The following THRB variants were observed in gnomAD, a reference collection of about 807,000 sequenced individuals.
The protein encoded by THRB is thyroid hormone receptor beta, also known as nuclear receptor subfamily 1 group A member 2.
In THRB, 12 loss-of-function variants were observed where a neutral mutation model predicts 47.8. That is an observed-to-expected ratio of 0.25 (90% CI 0.16 to 0.41). The LOEUF (loss-of-function observed/expected upper bound fraction) is 0.41. THRB is among the 10% of genes least tolerant of loss of function. The probability of loss-of-function intolerance (pLI) is 1.00; values close to 1 mark genes in which losing one functional copy is unlikely to be tolerated. For synonymous variants in THRB, 218 were observed against 212.2 expected (o/e 1.03, Z -0.24); for missense variants, 348 against 589.2 (o/e 0.59, Z 4.24).
At chr3:24,163,182 T>G (rs1226997804) in intron 5 of THRB, among the ~76,000 whole-genome samples, 2 of 152,214 alleles carry the variant, frequency 1.3e-5, no homozygotes, top group Non-Finnish European at 2.9e-5. Flanking sequence ...AGTTAACAGC[T>G]GGGTTTAGTT....
At chr3:24,222,638 G>A (rs991492917) in intron 4 of THRB, among the ~76,000 whole-genome samples, 5 of 152,164 alleles carry the variant, frequency 3.3e-5, no homozygotes, top group Non-Finnish European at 7.3e-5. Flanking sequence ...CCTCCCTTCT[G>A]CCCTCAAGGA....
chr3:24,330,123 G>A (rs1427661765), intron 2 of THRB, among the ~76,000 whole-genome samples: 1 of 151,756 alleles, frequency 6.6e-6, no homozygotes, highest in Non-Finnish European at 1.5e-5. Flanking sequence ...GGCTAACAAG[G>A]TGAAACCCCG....
intron 1 of THRB, chr3:24,457,895 T>C (rs1219987480): frequency 6.6e-6 from 1 of 152,138 alleles, no homozygotes; most frequent in Non-Finnish European, 1.5e-5. Context: ...CTATAGGAGC[T>C]CTTCAGAGTC....
At chr3:24,463,025 C>G (rs1389969559) in intron 1 of THRB, among the ~76,000 whole-genome samples, 1 of 152,194 alleles carries the variant, frequency 6.6e-6, no homozygotes, top group Non-Finnish European at 1.5e-5. Flanking sequence ...AGAGGGGAAA[C>G]TCATTCCACA....
chr3:24,281,822 T>C (rs558756504), intron 3 of THRB, among the ~76,000 whole-genome samples: 3 of 150,070 alleles, frequency 2.0e-5, no homozygotes, highest in Non-Finnish European at 4.4e-5. Context: ...CCAACAAAGA[T>C]CAAAAGAGAC....
chr3:24,420,417 G>C (rs754947372), intron 1 of THRB, among the ~76,000 whole-genome samples: 13 of 151,878 alleles, frequency 8.6e-5, no homozygotes, highest in Non-Finnish European at 1.6e-4. Flanking sequence ...AGTCAGTGCT[G>C]AAGTTCATGG....
At chr3:24,152,824 T>C (rs2037183795) in intron 5 of THRB, among the ~76,000 whole-genome samples, 1 of 151,852 alleles carries the variant, frequency 6.6e-6, no homozygotes, top group Admixed American at 6.6e-5. Flanking sequence ...TAGCCGGGCA[T>C]GGTGACAGGC....
intron 4 of THRB, among the ~76,000 whole-genome samples, chr3:24,194,692 A>G (rs1029041129): frequency 1.3e-5 from 2 of 152,244 alleles, no homozygotes; most frequent in African/African-American, 4.8e-5. Context: ...AGAAACAAAC[A>G]TAAATCGCAT....
At chr3:24,154,845 A>G (rs1404483163) in intron 5 of THRB, among the ~76,000 whole-genome samples, 1 of 152,248 alleles carries the variant, frequency 6.6e-6, no homozygotes, top group Non-Finnish European at 1.5e-5. Context: ...AGTTCTTAGT[A>G]TCAAGTATGG....
chr3:24,469,184 A>G (rs751350212), intron 1 of THRB, among the ~76,000 whole-genome samples: 6 of 152,358 alleles, frequency 3.9e-5, no homozygotes, highest in African/African-American at 1.2e-4. Context: ...TCCCTCCATC[A>G]TAACAGGTAT....
At chr3:24,472,858 A>T (rs35944552) in intron 1 of THRB, among the ~76,000 whole-genome samples, 44,249 of 152,036 alleles carry the variant, frequency 0.29, 6,498 homozygotes, top group East Asian at 0.36. Flanking sequence ...GAGACCTTCA[A>T]GCAGCAAATT....
At chr3:24,235,168 CCTGT>C (rs1172409375) in intron 3 of THRB, among the ~76,000 whole-genome samples, 3 of 152,154 alleles carry the variant, frequency 2.0e-5, no homozygotes, top group Non-Finnish European at 4.4e-5. Context: ...CTAATACTTG[CCTGT>C]CTCAGTATTC....
chr3:24,288,418 A>G (rs936418587), intron 3 of THRB, among the ~76,000 whole-genome samples: 9 of 152,230 alleles, frequency 5.9e-5, no homozygotes, highest in African/African-American at 1.9e-4. Flanking sequence ...CTTGGACACA[A>G]AATTCTAGAA....
chr3:24,341,619 G>A (rs1179463445), intron 1 of THRB, among the ~76,000 whole-genome samples: 1 of 152,088 alleles, frequency 6.6e-6, no homozygotes, highest in Admixed American at 6.5e-5. Context: ...CTTTTATCAT[G>A]TAACTTTGTA....
intron 1 of THRB, among the ~76,000 whole-genome samples, chr3:24,434,262 T>C (rs1435622196): frequency 2.0e-5 from 3 of 152,162 alleles, no homozygotes; most frequent in Non-Finnish European, 1.5e-5. Context: ...TAAGGGTCCA[T>C]ATAGATTTGC....
At chr3:24,148,890 G>A (rs2036503201) in intron 6 of THRB, among the ~76,000 whole-genome samples, 1 of 152,172 alleles carries the variant, frequency 6.6e-6, no homozygotes, top group Non-Finnish European at 1.5e-5. Flanking sequence ...CATTGTTCAA[G>A]TTCTAACAGA....
chr3:24,317,436 CG>C (rs2058195235), intron 2 of THRB, among the ~76,000 whole-genome samples: 1 of 152,158 alleles, frequency 6.6e-6, no homozygotes, highest in African/African-American at 2.4e-5. Context: ...CATCAGGACT[CG>C]CTTGATTTCA....
At chr3:24,373,603 A>G (rs2065066731) in intron 1 of THRB, among the ~76,000 whole-genome samples, 1 of 152,110 alleles carries the variant, frequency 6.6e-6, no homozygotes, top group African/African-American at 2.4e-5. Flanking sequence ...GGGAATAACA[A>G]TAAGCACCAG....
intron 5 of THRB, among the ~76,000 whole-genome samples, chr3:24,164,116 A>G (rs1197758120): frequency 6.6e-6 from 1 of 152,178 alleles, no homozygotes; most frequent in Non-Finnish European, 1.5e-5. Flanking sequence ...ATTCTGGCAT[A>G]TCTGCACTAG....
Sources: gnomAD v4.1 joint callset for allele counts (sites outside exome capture counted in the v4.1 genomes callset) on GRCh38, gnomAD v4.1.1 for gene constraint, MANE v1.5 for transcripts, NCBI Gene and HGNC (gene_info 2026-07-23, HGNC 2026-07-21) for gene names.